Variants in RTKN observed in about 807,000 individuals in gnomAD.
RTKN encodes the protein rhotekin.
A neutral mutation model predicts 63.5 loss-of-function variants in RTKN; 49 were observed. The observed-to-expected ratio is 0.77, with a 90% CI of 0.61 to 0.98. RTKN has a LOEUF of 0.98. Ranked by LOEUF, RTKN falls within the 50% of genes least tolerant of loss-of-function variation. The probability of loss-of-function intolerance (pLI) is 0.00; values close to 1 mark genes in which losing one functional copy is unlikely to be tolerated. For missense variants in RTKN, 685 were observed against 740.8 expected (o/e 0.92, Z 0.87); for synonymous variants, 295 against 290.4 (o/e 1.02, Z -0.16).
At chr2:74,437,499 C>A (rs961105436) in intron 1 of RTKN, among the ~76,000 whole-genome samples, 1 of 152,096 alleles carries the variant, frequency 6.6e-6, no homozygotes, top group African/African-American at 2.4e-5. Flanking sequence ...CTTGAACAGG[C>A]CTTCCACAGA....
rs1671062811 is a variant in RTKN at position 74,436,378 on chromosome 2, C to G, written c.112-3712G>C. Among the ~76,000 whole-genome samples, 2 of 152,226 alleles carry G rather than the reference C, an allele frequency of 1.3e-5. No individual in the cohort carries two copies. Among genetic ancestry groups the G allele is most frequent in the African/African-American group, 4.8e-5 (2 of 41,470 alleles). On this transcript the variant is annotated intron_variant, in intron 1 of 11. Transcript: ENST00000272430. The surrounding 1 kb of genome is among the most constrained non-coding windows in gnomAD (Gnocchi z 4.3). Reference sequence around the variant, plus strand: ...GCCGGTGACATCAGCTCCCAATTGCCGCGAGAGCAACTGAGGGGTACCAGG... The same window carrying G: ...GCCGGTGACATCAGCTCCCAATTGCGGCGAGAGCAACTGAGGGGTACCAGG...
chr2:74,428,800 T>G lies in RTKN; in HGVS notation c.850+48A>C, dbSNP rs375320896. On this transcript the variant is annotated intron_variant, in intron 7 of 11. Coordinates refer to ENST00000272430, the MANE Select transcript of RTKN (RefSeq NM_001015055.2). The stretch of plus-strand genomic sequence containing the variant: ...GAGAAGGGGACCATCCCACAGCCCC[T>G]CTTCTCACCATCACATGTGTATGTC... 8 of 1,602,352 alleles carry G rather than the reference T, an allele frequency of 5.0e-6. No individual in the cohort carries two copies. In the African/African-American group the frequency reaches 9.4e-5, roughly 19 times the overall value.
At chr2:74,428,181 TGA>T in intron 9 of RTKN, 85 bp downstream of exon 9, 1 of 1,577,730 alleles carries the variant, frequency 6.3e-7, no homozygotes, top group Non-Finnish European at 8.7e-7. Context: ...TCTATCTCTC[TGA>T]GGTATGTGCC....
chr2:74,430,162 G>T (rs1001575406), intron 5 of RTKN, 90 bp downstream of exon 5: 30 of 1,507,920 alleles, frequency 2.0e-5, no homozygotes, highest in Non-Finnish European at 2.4e-5. Flanking sequence ...TCTCCACCCT[G>T]CCCCCATCCC....
chr2:74,440,666 G>C, intron 1 of RTKN: 1 of 717,568 alleles, frequency 1.4e-6, no homozygotes, highest in Non-Finnish European at 1.7e-6. Context: ...ACTCCCCCAC[G>C]CTGGCCCCAC....
At chr2:74,428,434 GCC>G in intron 8 of RTKN, 38 bp from the exon 9 acceptor site, 1 of 1,613,884 alleles carries the variant, frequency 6.2e-7, no homozygotes, top group South Asian at 1.1e-5. Context: ...GGAAGTCACG[GCC>G]CCCAGTATCC....
chr2:74,434,141 C>T (rs1370127470), intron 1 of RTKN, among the ~76,000 whole-genome samples: 5 of 151,082 alleles, frequency 3.3e-5, no homozygotes, highest in East Asian at 3.9e-4. Context: ...CTCACTCTGT[C>T]ACCCAAGCTG....
chr2:74,428,535 C>T lies in RTKN; in HGVS notation c.957+96G>A, dbSNP rs1470657349. The stretch of plus-strand genomic sequence containing the variant: ...GTCTGGCCATACCCCATTTCTTCCA[C>T]CCAAATCTTGATTTTTCATTAGCTC... On this transcript the variant is annotated intron_variant, in intron 8 of 11. Transcript: ENST00000272430. 3.2e-6 allele frequency: 5 copies of T among 1,551,234 alleles called. No homozygotes were observed. In the South Asian group the frequency reaches 4.6e-5, roughly 14 times the overall value.
chr2:74,439,584 C>A (rs1407598923), intron 1 of RTKN: 2 of 1,614,060 alleles, frequency 1.2e-6, no homozygotes, highest in African/African-American at 1.3e-5. Flanking sequence ...GAATGTAGAG[C>A]ATATTCAGGT....
Position 74,428,443 on chromosome 2 carries a change from A to G in RTKN, c.958-47T>C, listed in dbSNP as rs374809271. The G allele has an allele frequency of 2.0e-5, 33 of 1,613,736 alleles. No homozygotes were observed. In the African/African-American group the frequency reaches 3.9e-4, roughly 19 times the overall value. On this transcript the variant is annotated intron_variant, in intron 8 of 11. Transcript: ENST00000272430. The stretch of plus-strand genomic sequence containing the variant: ...TTCTGGGGAAGTCACGGCCCCCAGT[A>G]TCCCTCTTCTCAGCCCCCCATGAGA...
chr2:74,429,689 C>G, intron 6 of RTKN, 139 bp downstream of exon 6: 1 of 804,298 alleles, frequency 1.2e-6, no homozygotes, highest in Non-Finnish European at 2.0e-6. Context: ...CTCCCAGCTA[C>G]GTGGCCACTG....
chr2:74,433,866 A>G (rs983488791), intron 1 of RTKN, among the ~76,000 whole-genome samples: 17 of 152,164 alleles, frequency 1.1e-4, no homozygotes, highest in African/African-American at 3.9e-4. Context: ...GTAACAGTAC[A>G]TCTGTACCCT....
At chr2:74,435,708 G>C (rs1484164897) in intron 1 of RTKN, among the ~76,000 whole-genome samples, 2 of 152,230 alleles carry the variant, frequency 1.3e-5, no homozygotes, top group Non-Finnish European at 2.9e-5. Context: ...TTTGAAACAG[G>C]GGAACTAATG....
chr2:74,432,730 C>T, intron 1 of RTKN, 64 bp from the exon 2 acceptor site: 1 of 1,451,798 alleles, frequency 6.9e-7, no homozygotes, highest in Non-Finnish European at 9.6e-7. Flanking sequence ...AAAGCACTCC[C>T]CAGTCCCCAG....
At chr2:74,432,739 A>G (rs1394782826) in intron 1 of RTKN, 73 bp from the exon 2 acceptor site, 1 of 1,381,686 alleles carries the variant, frequency 7.2e-7, no homozygotes, top group East Asian at 2.3e-5. Context: ...CCCAGTCCCC[A>G]GGTGGGCTGT....
rs1043577688 is a variant in RTKN at position 74,436,327 on chromosome 2, C to T, written c.112-3661G>A. Reference sequence around the variant, plus strand: ...GAGCCAGGGCGCCAGCATAGCTGCACCGCCTCCAGCTGCAGCGCTCAGGAC... The same window carrying T: ...GAGCCAGGGCGCCAGCATAGCTGCATCGCCTCCAGCTGCAGCGCTCAGGAC... On this transcript the variant is annotated intron_variant, in intron 1 of 11. Coordinates refer to ENST00000272430, the MANE Select transcript of RTKN (RefSeq NM_001015055.2). The surrounding 1 kb of genome is among the most constrained non-coding windows in gnomAD (Gnocchi z 4.3). Among the ~76,000 whole-genome samples the T allele has an allele frequency of 1.3e-5, 2 of 152,254 alleles. No individual in the cohort carries two copies. The highest frequency in any genetic ancestry group is 2.9e-5 in the Non-Finnish European group (2 of 68,048).
chr2:74,428,607 T>C (rs759450274), intron 8 of RTKN, 24 bp downstream of exon 8: 2 of 1,596,444 alleles, frequency 1.3e-6, no homozygotes, highest in East Asian at 4.5e-5. Context: ...CCCTGCTCCC[T>C]TCCACTCCTC....
At position 74,429,991 on chromosome 2, in the gene RTKN, C is replaced by T. The variant is rs751381640; in HGVS notation, c.592G>A (p.Ala198Thr). Reference sequence around the variant, plus strand: ...AGGGCCCCCTCTTCTTCCACACAGGCCCCATACAGCTCTAACCGCAGTTCA... The same window carrying T: ...AGGGCCCCCTCTTCTTCCACACAGGTCCCATACAGCTCTAACCGCAGTTCA... The part of the protein sequence containing the change: ...DFELRLELYG[A>T]CVEEEGALTG... Residue 198 changes from alanine to threonine, a missense_variant, in exon 6 of 12, where the codon GCC (alanine) becomes ACC (threonine). Ala to Thr is a moderately conservative substitution (Grantham distance 58). Transcript: ENST00000272430. The T allele has an allele frequency of 6.2e-7, 1 of 1,614,134 alleles. No homozygotes were observed. The highest frequency in any genetic ancestry group is 8.5e-7 in the Non-Finnish European group (1 of 1,180,054).
rs1175204886 is a variant in RTKN, at chr2:74,436,768, A to G, written c.112-4102T>C. On this transcript the variant is annotated intron_variant, in intron 1 of 11. Transcript: ENST00000272430. This position sits in a 1 kb window ranked among gnomAD's most constrained non-coding sequence, Gnocchi z 4.3. The stretch of plus-strand genomic sequence containing the variant: ...CAAGGCCCAAGGCCGGGAGCGCCCT[A>G]GGAAACTGGCTCCCACCCTTTCAGG... Among the ~76,000 whole-genome samples, 1 of 152,122 alleles carries G rather than the reference A, an allele frequency of 6.6e-6. No homozygotes were observed. The highest frequency in any genetic ancestry group is 1.5e-5 in the Non-Finnish European group (1 of 67,988).
Sources: gnomAD v4.1 joint callset for allele counts (sites outside exome capture counted in the v4.1 genomes callset) on GRCh38, gnomAD v4.1.1 for gene constraint, Gnocchi (gnomAD v3.1) non-coding constraint, MANE v1.5 for transcripts, NCBI Gene and HGNC (gene_info 2026-07-23, HGNC 2026-07-21) for gene names.